The following TLN2 variants were observed in gnomAD, a reference collection of about 807,000 sequenced individuals.
TLN2 encodes the protein talin-2.
In TLN2, 118 loss-of-function variants were observed where a neutral mutation model predicts 294.7. That is an observed-to-expected ratio of 0.40 (90% CI 0.34 to 0.47). The LOEUF is 0.47. Among genes scored for constraint, TLN2 ranks in the 20% least tolerant of loss-of-function variants. TLN2 has a pLI of 0.84. For missense variants in TLN2, 3,083 were observed against 3,282.2 expected, an observed-to-expected ratio of 0.94 and a Z score of 1.48; for synonymous variants, 1,431 against 1,304.5, an observed-to-expected ratio of 1.10 and a Z score of -2.09.
intron 1 of TLN2, among the ~76,000 whole-genome samples, chr15:62,558,336 C>T (rs1489195869): frequency 2.0e-5 from 3 of 152,108 alleles, no homozygotes; most frequent in African/African-American, 4.8e-5. Context: ...TGTCTTATTT[C>T]CTCTAGTAAA....
intron 54 of TLN2, among the ~76,000 whole-genome samples, chr15:62,825,813 T>TATATAA (rs1555521956): frequency 3.1e-4 from 1 of 3,190 alleles, no homozygotes; most frequent in Non-Finnish European, 7.1e-4. Flanking sequence ...ATATATTATA[T>TATATAA]TATAATATAT....
At chr15:62,826,892 A>T (rs1435614753) in intron 54 of TLN2, among the ~76,000 whole-genome samples, 6 of 152,130 alleles carry the variant, frequency 3.9e-5, no homozygotes, top group African/African-American at 1.2e-4. Flanking sequence ...GGGTTTTTTT[A>T]AAGTTTCTGA....
At chr15:62,498,153 CAAAAAAA>C (rs538951284) in intron 1 of TLN2, among the ~76,000 whole-genome samples, 4 of 93,410 alleles carry the variant, frequency 4.3e-5, no homozygotes, top group East Asian at 4.4e-4. Flanking sequence ...GACCCTGCCT[CAAAAAAA>C]AAAAAAAAAA....
intron 39 of TLN2, among the ~76,000 whole-genome samples, chr15:62,763,000 G>A (rs2141024833): frequency 6.6e-6 from 1 of 152,312 alleles, no homozygotes; most frequent in Middle Eastern, 3.4e-3. Flanking sequence ...AAGTTAACCA[G>A]TAAATACCTC....
Position 62,687,908 on chromosome 15 carries a change from C to G in TLN2, c.1113+1112C>G, listed in dbSNP as rs534221205. ...TTAGCTGTGTCCTCATCTTCCATTGCAGGAAGTCATGGATGATTTCTAAAT... is the reference window on the plus strand; with the variant it reads ...TTAGCTGTGTCCTCATCTTCCATTGGAGGAAGTCATGGATGATTTCTAAAT... On this transcript the variant is annotated intron_variant, in intron 12 of 58. Transcript: ENST00000636159. 5 of 152,306 alleles carry G rather than the reference C, an allele frequency of 3.3e-5. No individual in the cohort carries two copies. In the East Asian group the frequency reaches 9.6e-4, roughly 29 times the overall value. The allele number at this position is 152,306 out of a possible 1,614,324, so 9.4% of individuals were successfully genotyped here.
intron 11 of TLN2, among the ~76,000 whole-genome samples, chr15:62,677,341 C>T (rs1334625535): frequency 6.6e-6 from 1 of 152,218 alleles, no homozygotes; most frequent in Admixed American, 6.5e-5. Context: ...TTCAGATCAT[C>T]TTCCATTAAT....
At chr15:62,743,198 G>C (rs2061434188) in intron 32 of TLN2, among the ~76,000 whole-genome samples, 1 of 152,100 alleles carries the variant, frequency 6.6e-6, no homozygotes, top group Non-Finnish European at 1.5e-5. Context: ...CATAGTCTCA[G>C]TCCTCAGTCC....
chr15:62,456,271 C>G (rs1275659120), intron 1 of TLN2, among the ~76,000 whole-genome samples: 2 of 152,212 alleles, frequency 1.3e-5, no homozygotes, highest in Non-Finnish European at 2.9e-5. Flanking sequence ...AGCTTCTCAT[C>G]TCTCTCAGCC....
At chr15:62,776,934 C>G (rs377670928) in intron 43 of TLN2, 24 bp downstream of exon 43, 15 of 1,473,902 alleles carry the variant, frequency 1.0e-5, no homozygotes, top group Non-Finnish European at 8.2e-6. Context: ...CTAGGGCTCT[C>G]TACTCCCTTA....
intron 1 of TLN2, among the ~76,000 whole-genome samples, chr15:62,507,383 C>T (rs2039680337): frequency 6.6e-6 from 1 of 152,190 alleles, no homozygotes; most frequent in African/African-American, 2.4e-5. Flanking sequence ...TTGAGTTGCC[C>T]ACCTCCCGCA....
intron 1 of TLN2, among the ~76,000 whole-genome samples, chr15:62,576,539 A>G (rs917171092): frequency 6.7e-6 from 1 of 150,270 alleles, no homozygotes; most frequent in African/African-American, 2.5e-5. Flanking sequence ...AATTGCTGAT[A>G]CTTGCCCCAT....
chr15:62,779,018 A>G (rs1409759162), intron 43 of TLN2, among the ~76,000 whole-genome samples: 1 of 152,212 alleles, frequency 6.6e-6, no homozygotes, highest in African/African-American at 2.4e-5. Flanking sequence ...AATTTGGTTA[A>G]AACTCTGAGA....
chr15:62,520,568 C>T (rs1000654408), intron 1 of TLN2, among the ~76,000 whole-genome samples: 1 of 152,152 alleles, frequency 6.6e-6, no homozygotes, highest in Non-Finnish European at 1.5e-5. Flanking sequence ...TATATCTACC[C>T]CTCTGTTGGC....
intron 8 of TLN2, 57 bp downstream of exon 8, chr15:62,656,143 T>C (rs2053181458): frequency 6.3e-7 from 1 of 1,598,146 alleles, no homozygotes; most frequent in African/African-American, 1.3e-5. Flanking sequence ...AGCTCCTGGC[T>C]GTATCTTGTG....
chr15:62,826,495 A>C (rs1038828087), intron 54 of TLN2, among the ~76,000 whole-genome samples: 1 of 152,194 alleles, frequency 6.6e-6, no homozygotes, highest in South Asian at 2.1e-4. Context: ...CCAGCTGTCC[A>C]TGCCTGGCTC....
intron 3 of TLN2, 142 bp from the exon 4 acceptor site, chr15:62,647,133 C>A: frequency 1.3e-6 from 1 of 798,560 alleles, no homozygotes; most frequent in Non-Finnish European, 1.9e-6. Context: ...TTGTTTTGTA[C>A]CTAAAGTGTA....
intron 3 of TLN2, chr15:62,644,829 T>A: frequency 3.0e-6 from 1 of 331,418 alleles, no homozygotes; most frequent in South Asian, 2.5e-5. Flanking sequence ...CAGTGGAATC[T>A]CTCTCTGCAT....
chr15:62,603,737 A>T (rs1322056310), intron 2 of TLN2, among the ~76,000 whole-genome samples: 1 of 152,238 alleles, frequency 6.6e-6, no homozygotes, highest in Admixed American at 6.5e-5. Flanking sequence ...AAAGGGAGTC[A>T]CGTTTGGGAG....
At chr15:62,681,476 C>T (rs1392028428) in intron 11 of TLN2, among the ~76,000 whole-genome samples, 2 of 152,190 alleles carry the variant, frequency 1.3e-5, no homozygotes, top group African/African-American at 2.4e-5. Context: ...GAGCTGCTTA[C>T]ATCATATTTT....
Sources: allele counts gnomAD v4.1 joint callset (sites outside exome capture counted in the v4.1 genomes callset), GRCh38; gene constraint gnomAD v4.1.1; transcripts MANE v1.5; gene names NCBI Gene and HGNC (gene_info 2026-07-23, HGNC 2026-07-21).